The following CRACD variants were observed in gnomAD, a reference collection of about 807,000 sequenced individuals.
CRACD encodes capping protein-inhibiting regulator of actin dynamics.
In CRACD, 56 loss-of-function variants were observed where a neutral mutation model predicts 106.8. The observed-to-expected ratio is 0.52, with a 90% CI of 0.42 to 0.66. The LOEUF is 0.66. Ranked by LOEUF, CRACD falls within the 30% of genes least tolerant of loss-of-function variation. CRACD has a pLI of 0.00. For missense variants in CRACD, 1,730 were observed against 1,623.2 expected, an observed-to-expected ratio of 1.07 and a Z score of -1.13; for synonymous variants, 754 against 670.8, an observed-to-expected ratio of 1.12 and a Z score of -1.92.
Position 56,314,731 on chromosome 4 carries a change from C to T in CRACD, c.1229C>T (p.Ala410Val). 6.4e-7 allele frequency: 1 copy of T among 1,573,974 alleles called. No individual in the cohort carries two copies. Among genetic ancestry groups the T allele is most frequent in the Non-Finnish European group, 8.6e-7 (1 of 1,160,342 alleles). Residue 410 changes from alanine (A) to valine (V), a missense_variant, in exon 8 of 11, where the codon GCG becomes GTG. Ala to Val is a moderately conservative substitution (Grantham distance 64). Around this residue, in one of 5 missense-constraint regions of CRACD, gnomAD observed 1,620 missense variants for 1,481.6 expected, o/e 1.09. Transcript: ENST00000682029. This position sits in a 1 kb window ranked among gnomAD's most constrained non-coding sequence, Gnocchi z 4.4. The stretch of plus-strand genomic sequence containing the variant: ...GGGGAAGAGGAGGAGGAGGGCCAGG[C>T]GCACCTGGAGGACTGGAGGGGGCAG... ...DLGEEEEEGQ[A>V]HLEDWRGQLS...
intron 2 of CRACD, among the ~76,000 whole-genome samples, chr4:56,257,322 T>C (rs996681828): frequency 1.3e-5 from 2 of 152,024 alleles, no homozygotes; most frequent in African/African-American, 4.8e-5. Flanking sequence ...CCTCAGGTGA[T>C]CCACCTGCCT....
intron 2 of CRACD, among the ~76,000 whole-genome samples, chr4:56,194,753 G>A (rs534939619): frequency 6.6e-6 from 1 of 152,262 alleles, no homozygotes; most frequent in South Asian, 2.1e-4. Context: ...CCAGAACAAT[G>A]AGAAATACAT....
chr4:56,327,610 T>C, intron 10 of CRACD, 34 bp from the exon 11 acceptor site: 1 of 1,592,438 alleles, frequency 6.3e-7, no homozygotes, highest in Middle Eastern at 1.8e-4. Flanking sequence ...GGCTGTGAAC[T>C]TACTTTTTCC....
intron 1 of CRACD, among the ~76,000 whole-genome samples, chr4:56,129,160 C>T (rs1734746760): frequency 6.6e-6 from 1 of 152,204 alleles, no homozygotes; most frequent in Non-Finnish European, 1.5e-5. Context: ...GCTGCAGCCT[C>T]AACCTCCTGG....
chr4:56,251,188 G>C (rs919476654), intron 2 of CRACD, among the ~76,000 whole-genome samples: 2 of 152,110 alleles, frequency 1.3e-5, no homozygotes, highest in Non-Finnish European at 2.9e-5. Flanking sequence ...TGCCTTGACC[G>C]CCTGAGTCTT....
chr4:56,231,611 A>T (rs1739622842), intron 2 of CRACD, among the ~76,000 whole-genome samples: 1 of 152,244 alleles, frequency 6.6e-6, no homozygotes, highest in South Asian at 2.1e-4. Context: ...GTTGAGATAA[A>T]TAAGCGGATT....
At chr4:56,303,188 T>C (rs1454741088) in intron 4 of CRACD, among the ~76,000 whole-genome samples, 1 of 152,012 alleles carries the variant, frequency 6.6e-6, no homozygotes, top group Non-Finnish European at 1.5e-5. Flanking sequence ...CTACTAAAAA[T>C]ACAAAAATTA....
chr4:56,306,511 T>TCAAACAAACAAACAAA (rs61517832), intron 4 of CRACD, among the ~76,000 whole-genome samples: 25 of 151,488 alleles, frequency 1.7e-4, no homozygotes, highest in African/African-American at 6.1e-4. Flanking sequence ...AGACCGTGTC[T>TCAAACAAACAAACAAA]CAAACAAACA....
Position 56,323,421 on chromosome 4 carries a change from C to T in CRACD, c.3232C>T (p.Leu1078Phe). Residue 1078 changes from leucine (L) to phenylalanine (F), a missense_variant, in exon 9 of 11, where the codon CTT becomes TTT. Coordinates refer to ENST00000682029, the MANE Select transcript of CRACD (RefSeq NM_001393381.1). The part of the protein sequence containing the change: ...QSRHSLDGSK[L>F]TEKVETAQPL... The stretch of plus-strand genomic sequence containing the variant: ...CAGACACTCCTTAGATGGCTCCAAA[C>T]TTACAGAGAAAGTGGAAACTGCTCA... 6.2e-7 allele frequency: 1 copy of T among 1,611,294 alleles called. No homozygotes were observed. Among genetic ancestry groups the T allele is most frequent in the Non-Finnish European group, 8.5e-7 (1 of 1,179,348 alleles).
At chr4:56,158,545 A>G (rs963120145) in intron 1 of CRACD, among the ~76,000 whole-genome samples, 2 of 152,176 alleles carry the variant, frequency 1.3e-5, no homozygotes, top group African/African-American at 4.8e-5. Context: ...ATTGGCAGTC[A>G]CTTTATGAGT....
chr4:56,208,109 G>C (rs1738220518), intron 2 of CRACD, among the ~76,000 whole-genome samples: 1 of 151,798 alleles, frequency 6.6e-6, no homozygotes, highest in African/African-American at 2.4e-5. Flanking sequence ...CTATCATGCT[G>C]ACTGCAGAGA....
chr4:56,327,967 A>G lies in CRACD; in HGVS notation c.*163A>G. The G allele has an allele frequency of 1.6e-6, 1 of 637,870 alleles. No individual in the cohort carries two copies. The highest frequency in any genetic ancestry group is 2.5e-6 in the Non-Finnish European group (1 of 392,214). 39.5% of individuals were successfully genotyped at this position (637,870 alleles called of 1,614,324 possible). On this transcript the variant is annotated 3_prime_UTR_variant, in exon 11 of 11. Coordinates refer to ENST00000682029, the MANE Select transcript of CRACD (RefSeq NM_001393381.1). ...AAACTGAACTGGTGGTGTTCATTGT[A>G]AAGAGTGGATTTGCACAACCCTAGG...
intron 3 of CRACD, among the ~76,000 whole-genome samples, chr4:56,295,656 T>A (rs1743966951): frequency 9.8e-6 from 1 of 101,778 alleles, no homozygotes; most frequent in African/African-American, 3.9e-5. Flanking sequence ...GAGAAATTAG[T>A]AAACATATAT....
intron 1 of CRACD, among the ~76,000 whole-genome samples, chr4:56,115,004 G>A (rs1051184064): frequency 6.6e-6 from 1 of 152,122 alleles, no homozygotes; most frequent in African/African-American, 2.4e-5. Flanking sequence ...AAGGAAGAAA[G>A]CTGTATATGC....
chr4:56,189,390 T>G (rs938705478), intron 2 of CRACD, among the ~76,000 whole-genome samples: 1 of 152,174 alleles, frequency 6.6e-6, no homozygotes, highest in Non-Finnish European at 1.5e-5. Context: ...GTATTTCTTT[T>G]TTTAAAAAAA....
chr4:56,066,849 G>A (rs913684711), intron 1 of CRACD, among the ~76,000 whole-genome samples: 3 of 152,140 alleles, frequency 2.0e-5, no homozygotes, highest in Non-Finnish European at 2.9e-5. Flanking sequence ...GAATGAATGC[G>A]TGTTCATGGG....
chr4:56,268,165 T>A (rs1742138770), intron 2 of CRACD, among the ~76,000 whole-genome samples: 2 of 152,212 alleles, frequency 1.3e-5, no homozygotes, highest in Non-Finnish European at 2.9e-5. Context: ...AATAGATGAG[T>A]AACCTGTTTA....
chr4:56,069,008 G>A (rs562598805), intron 1 of CRACD, among the ~76,000 whole-genome samples: 3 of 152,300 alleles, frequency 2.0e-5, no homozygotes, highest in African/African-American at 7.2e-5. Context: ...AGGACACGGA[G>A]ACATAGAAGG....
chr4:56,304,824 A>T (rs1179798059), intron 4 of CRACD, among the ~76,000 whole-genome samples: 1 of 152,130 alleles, frequency 6.6e-6, no homozygotes, highest in Non-Finnish European at 1.5e-5. Flanking sequence ...AATGAAGTAA[A>T]GTTTAAGTAT....
Sources: gnomAD v4.1 joint callset for allele counts (sites outside exome capture counted in the v4.1 genomes callset) on GRCh38, gnomAD v4.1.1 for gene constraint, gnomAD v4.1.1 regional missense constraint, Gnocchi (gnomAD v3.1) non-coding constraint, MANE v1.5 for transcripts, NCBI Gene and HGNC (gene_info 2026-07-23, HGNC 2026-07-21) for gene names.